TCTN1: variants seen among roughly 807,000 people sequenced by gnomAD.
The protein encoded by TCTN1 is tectonic family member 1.
A neutral mutation model predicts 65.8 loss-of-function variants in TCTN1; 58 were observed. The ratio of observed to expected loss-of-function variants is 0.88; its 90% CI spans 0.71 to 1.10. The LOEUF (loss-of-function observed/expected upper bound fraction) is 1.10. Among genes scored for constraint, TCTN1 ranks in the 50% least tolerant of loss-of-function variants. The pLI, the probability that TCTN1 is intolerant of heterozygous loss-of-function variation, is 0.00. For synonymous variants in TCTN1, 273 were observed against 289.1 expected, an observed-to-expected ratio of 0.94 and a Z score of 0.57; for missense variants, 645 against 719.4, an observed-to-expected ratio of 0.90 and a Z score of 1.18.
In TCTN1 at chr12:110,614,165, G is replaced by T. The variant is rs1476487724; in HGVS notation, c.-18G>T. 8 of 1,548,246 alleles carry T rather than the reference G, an allele frequency of 5.2e-6. No individual in the cohort carries two copies. Among genetic ancestry groups the T allele is most frequent in the Non-Finnish European group, 7.0e-6 (8 of 1,147,564 alleles). The stretch of plus-strand genomic sequence containing the variant: ...ACGCGCTGTCCATGTCGCGGGCCTC[G>T]CTGGGACTCCCTGGGAGATGAGGCC... On this transcript the variant is annotated 5_prime_UTR_variant, in exon 1 of 15. Coordinates refer to ENST00000397659, the MANE Select transcript of TCTN1 (RefSeq NM_001082538.3).
chr12:110,628,928 A>C lies in TCTN1; in HGVS notation c.624+10A>C. 6.2e-7 allele frequency: 1 copy of C among 1,613,278 alleles called. No homozygotes were observed. The highest frequency in any genetic ancestry group is 8.5e-7 in the Non-Finnish European group (1 of 1,179,880). ...TGCTGCTAAATATGAGGTGAGCCTGAACTTGATTGATTCTTTTCATCCCAT... is the reference window on the plus strand; with the variant it reads ...TGCTGCTAAATATGAGGTGAGCCTGCACTTGATTGATTCTTTTCATCCCAT... On this transcript the variant is annotated intron_variant, in intron 4 of 14. Transcript: ENST00000397659.
At chr12:110,638,402 G>A (rs1294416669) in intron 7 of TCTN1, among the ~76,000 whole-genome samples, 1 of 152,208 alleles carries the variant, frequency 6.6e-6, no homozygotes, top group Non-Finnish European at 1.5e-5. Context: ...TAGAGGATCA[G>A]GAGTATAGAA....
At position 110,640,635 on chromosome 12, in the gene TCTN1, T is replaced by A; in HGVS notation, c.978+118T>A. The A allele has an allele frequency of 2.1e-6, 3 of 1,418,860 alleles. No individual in the cohort carries two copies. The highest frequency in any genetic ancestry group is 3.0e-6 in the Non-Finnish European group (3 of 1,009,992). The allele number at this position is 1,418,860 out of a possible 1,614,324, so 87.9% of individuals were successfully genotyped here. ...GTCCCAGCCCATGGTGTGGCTTTTC[T>A]TGGCTCAGCTGCCTGCTTGTCTTTC... On this transcript the variant is annotated intron_variant, in intron 8 of 14. Coordinates refer to ENST00000397659, the MANE Select transcript of TCTN1 (RefSeq NM_001082538.3). The surrounding 1 kb of genome is among the most constrained non-coding windows in gnomAD (Gnocchi z 4.9).
At position 110,638,636 on chromosome 12, in the gene TCTN1, G is replaced by A. The variant is rs184307978; in HGVS notation, c.844-1747G>A. 1.1e-4 allele frequency among the ~76,000 whole-genome samples: 17 copies of A among 152,320 alleles called. No homozygotes were observed. In the East Asian group the frequency reaches 2.9e-3, roughly 26 times the overall value. ...TGTTTCCTTCTCGGGACAGTTGAGT[G>A]AGCTGTCGAGACGAGGGCAGCTCCT... On this transcript the variant is annotated intron_variant, in intron 7 of 14. Transcript: ENST00000397659.
At chr12:110,628,646 A>T in intron 3 of TCTN1, 121 bp from the exon 4 acceptor site, 1 of 917,544 alleles carries the variant, frequency 1.1e-6, no homozygotes, top group Middle Eastern at 3.4e-4. Context: ...CAGCCAAGAC[A>T]CTATTTGTTT....
rs1295471750 is a variant in TCTN1, at chr12:110,614,174, C to G, written c.-9C>G. On this transcript the variant is annotated 5_prime_UTR_variant, in exon 1 of 15. Transcript: ENST00000397659. Reference sequence around the variant, plus strand: ...CCATGTCGCGGGCCTCGCTGGGACTCCCTGGGAGATGAGGCCGCGAGGTCT... The same window carrying G: ...CCATGTCGCGGGCCTCGCTGGGACTGCCTGGGAGATGAGGCCGCGAGGTCT... The G allele has an allele frequency of 1.7e-5, 27 of 1,550,412 alleles. No homozygotes were observed. The highest frequency in any genetic ancestry group is 2.3e-5 in the Non-Finnish European group (26 of 1,148,248).
chr12:110,623,044 C>G (rs940448933), intron 2 of TCTN1, among the ~76,000 whole-genome samples: 2 of 152,104 alleles, frequency 1.3e-5, no homozygotes, highest in Non-Finnish European at 2.9e-5. Flanking sequence ...TTCTGTGGAG[C>G]CTTCCATCAC....
In TCTN1 at chr12:110,614,292, C is replaced by G. The variant is rs775749667; in HGVS notation, c.110C>G (p.Ser37Cys). 9.4e-6 allele frequency: 15 copies of G among 1,598,466 alleles called. No homozygotes were observed. The highest frequency in any genetic ancestry group is 1.2e-5 in the Non-Finnish European group (14 of 1,173,312). Residue 37 changes from serine to cysteine, a missense_variant, in exon 1 of 15, where the codon TCC (serine) becomes TGC (cysteine). Coordinates refer to ENST00000397659, the MANE Select transcript of TCTN1 (RefSeq NM_001082538.3). ...GCGGTGACGACAGAGGGCCTCAACT[C>G]CACCGAGGCAGCCCTGGCCACCTTC... Reference protein sequence around the residue: ...TPAVTTEGLNSTEAALATFGT... With the variant: ...TPAVTTEGLNCTEAALATFGT...
intron 3 of TCTN1, 114 bp downstream of exon 3, chr12:110,626,606 G>GCAAGAC: frequency 2.6e-6 from 3 of 1,141,086 alleles, no homozygotes; most frequent in African/African-American, 1.6e-5. Flanking sequence ...TTGAGACAGA[G>GCAAGAC]TCTTGCTCTG....
Position 110,614,411 on chromosome 12 carries a change from C to T in TCTN1, c.220+9C>T. 1.3e-6 allele frequency: 2 copies of T among 1,587,248 alleles called. No homozygotes were observed. Among genetic ancestry groups the T allele is most frequent in the Non-Finnish European group, 1.7e-6 (2 of 1,166,792 alleles). ...TACCCCAGTCACGGACGGTGGGTAC[C>T]ATGTGCCAGCTCCTGGAGTCCACAG... On this transcript the variant is annotated intron_variant, in intron 1 of 14. Coordinates refer to ENST00000397659, the MANE Select transcript of TCTN1 (RefSeq NM_001082538.3).
intron 14 of TCTN1, chr12:110,648,657 CTTG>C (rs1296047673): frequency 5.5e-6 from 1 of 183,090 alleles, no homozygotes; most frequent in African/African-American, 2.4e-5. Flanking sequence ...CCCCAAATAC[CTTG>C]TTAATTATAG....
At chr12:110,624,857 C>T (rs561853517) in intron 2 of TCTN1, among the ~76,000 whole-genome samples, 2 of 151,986 alleles carry the variant, frequency 1.3e-5, no homozygotes, top group Admixed American at 6.6e-5. Context: ...GCTGGGATTA[C>T]AGGCATGATC....
chr12:110,629,071 C>A (rs2066049983), intron 4 of TCTN1, 153 bp downstream of exon 4: 3 of 840,592 alleles, frequency 3.6e-6, no homozygotes, highest in Admixed American at 5.0e-5. Flanking sequence ...AATCAAAGAT[C>A]ATGAAAATTA....
chr12:110,632,203 G>A (rs759135414), intron 4 of TCTN1, among the ~76,000 whole-genome samples: 1 of 152,156 alleles, frequency 6.6e-6, no homozygotes, highest in Admixed American at 6.5e-5. Flanking sequence ...GAGGCAGATC[G>A]TTATGTCATT....
chr12:110,648,000 C>G, intron 14 of TCTN1, 107 bp downstream of exon 14: 7 of 1,537,628 alleles, frequency 4.6e-6, no homozygotes, highest in Non-Finnish European at 6.2e-6. Flanking sequence ...TTTTGAGGGT[C>G]TCGCTTTGTT....
chr12:110,647,639 G>T lies in TCTN1; in HGVS notation c.1636-110G>T, dbSNP rs868782275. On this transcript the variant is annotated intron_variant, in intron 13 of 14. Transcript: ENST00000397659. ...CCAATTAGTGCTCCAGGACCTATCA[G>T]ATTCATGAACTGACAGTAGTTGGGT... is the stretch of plus-strand genomic sequence containing the variant. 21 of 1,531,518 alleles carry T rather than the reference G, an allele frequency of 1.4e-5. 1 individual carries two copies. The Middle Eastern group carries it at 3.6e-3, about 259-fold the overall frequency. 94.9% of individuals were successfully genotyped at this position (1,531,518 alleles called of 1,614,324 possible).
chr12:110,626,611 G>GA, intron 3 of TCTN1, 119 bp downstream of exon 3: 5 of 1,101,702 alleles, frequency 4.5e-6, no homozygotes, highest in South Asian at 1.4e-5. Flanking sequence ...ACAGAGTCTT[G>GA]CTCTGTCACC....
At chr12:110,619,757 A>G in intron 1 of TCTN1, 79 bp from the exon 2 acceptor site, 1 of 1,605,254 alleles carries the variant, frequency 6.2e-7, no homozygotes, top group Non-Finnish European at 8.5e-7. Context: ...AAATTGACTT[A>G]TGGTACACTG....
At chr12:110,620,153 A>G (rs929221139) in intron 2 of TCTN1, among the ~76,000 whole-genome samples, 197 bp downstream of exon 2, 15 of 152,198 alleles carry the variant, frequency 9.9e-5, no homozygotes, top group African/African-American at 3.6e-4. Context: ...CACGCCTGTA[A>G]TCCCAGCACT....
Sources: allele counts gnomAD v4.1 joint callset (sites outside exome capture counted in the v4.1 genomes callset), GRCh38; gene constraint gnomAD v4.1.1; non-coding constraint Gnocchi (gnomAD v3.1); transcripts MANE v1.5; gene names NCBI Gene and HGNC (gene_info 2026-07-23, HGNC 2026-07-21).